STX5: variants seen among roughly 807,000 people sequenced by gnomAD.
STX5 encodes syntaxin-5.
In STX5, 15 loss-of-function variants were observed where a neutral mutation model predicts 42.9. The observed-to-expected ratio is 0.35, with a 90% CI of 0.23 to 0.54. STX5 has a LOEUF of 0.54. Ranked by LOEUF, STX5 falls within the 20% of genes least tolerant of loss-of-function variation. STX5 has a pLI of 0.91. For synonymous variants in STX5, 184 were observed against 173.2 expected (o/e 1.06, Z -0.49); for missense variants, 430 against 455.0 (o/e 0.95, Z 0.50).
At chr11:62,825,607 G>A (rs2084787395) in intron 5 of STX5, 68 bp from the exon 6 acceptor site, 2 of 1,370,402 alleles carry the variant, frequency 1.5e-6, no homozygotes, top group East Asian at 4.6e-5. Context: ...CTCTCACGAT[G>A]GCCATCTCTG....
At chr11:62,829,091 A>C (rs754058505) in intron 2 of STX5, among the ~76,000 whole-genome samples, 22 of 150,494 alleles carry the variant, frequency 1.5e-4, no homozygotes, top group South Asian at 4.2e-4. Context: ...CAAACAAACA[A>C]ACACAAACTG....
At chr11:62,822,076 T>C (rs1247620208) in intron 10 of STX5, among the ~76,000 whole-genome samples, 1 of 151,172 alleles carries the variant, frequency 6.6e-6, no homozygotes, top group Non-Finnish European at 1.5e-5. Flanking sequence ...AAGTTAAATG[T>C]ATTTGGCCAG....
At chr11:62,808,611 T>C (rs1361365885) in intron 10 of STX5, among the ~76,000 whole-genome samples, 6 of 152,008 alleles carry the variant, frequency 3.9e-5, no homozygotes, top group Non-Finnish European at 5.9e-5. Context: ...TAAATAAGTA[T>C]ATTGGAGGAT....
chr11:62,828,410 G>T (rs2084818614), intron 2 of STX5, among the ~76,000 whole-genome samples: 1 of 152,154 alleles, frequency 6.6e-6, no homozygotes, highest in Non-Finnish European at 1.5e-5. Flanking sequence ...AGCATGTCCA[G>T]CCATCAGTAA....
intron 1 of STX5, 141 bp from the exon 2 acceptor site, chr11:62,831,403 G>C: frequency 2.8e-6 from 2 of 709,540 alleles, no homozygotes; most frequent in Admixed American, 2.1e-5. Context: ...ATCCTGGGGC[G>C]GACCAGCAGC....
At chr11:62,822,991 C>A (rs567681423) in intron 10 of STX5, among the ~76,000 whole-genome samples, 25 of 152,248 alleles carry the variant, frequency 1.6e-4, no homozygotes, top group African/African-American at 5.5e-4. Flanking sequence ...GCCACGCAGG[C>A]CTTCTTGATT....
intron 8 of STX5, 130 bp from the exon 9 acceptor site, chr11:62,824,695 C>T (rs2084775857): frequency 3.6e-6 from 3 of 823,826 alleles, no homozygotes. Context: ...TTTAACCTCT[C>T]TGAGCCTCAG....
intron 10 of STX5, among the ~76,000 whole-genome samples, chr11:62,812,773 T>C (rs564535995): frequency 6.6e-6 from 1 of 152,108 alleles, no homozygotes; most frequent in Admixed American, 6.5e-5. Flanking sequence ...ATGGTGTTTA[T>C]GGCATAATTC....
intron 10 of STX5, among the ~76,000 whole-genome samples, chr11:62,819,360 A>G (rs1035888240): frequency 5.9e-5 from 9 of 151,810 alleles, no homozygotes; most frequent in African/African-American, 1.7e-4. Context: ...TCCACTACAA[A>G]AAAAAAACCA....
intron 2 of STX5, among the ~76,000 whole-genome samples, chr11:62,829,061 A>AAAACAAACAAAC (rs199811303): frequency 6.6e-6 from 1 of 150,808 alleles, no homozygotes; most frequent in Non-Finnish European, 1.5e-5. Context: ...GACTGTCTCA[A>AAAACAAACAAAC]AAACAAACAA....
chr11:62,808,465 A>G (rs995513909), intron 10 of STX5, among the ~76,000 whole-genome samples: 1 of 151,724 alleles, frequency 6.6e-6, no homozygotes, highest in Non-Finnish European at 1.5e-5. Context: ...AAAAAAAGGT[A>G]TATGGACCCT....
chr11:62,815,345 T>C (rs2084661923), intron 10 of STX5, among the ~76,000 whole-genome samples: 1 of 151,998 alleles, frequency 6.6e-6, no homozygotes, highest in Non-Finnish European at 1.5e-5. Flanking sequence ...TTTTATTTTT[T>C]AGGACAGAGT....
At chr11:62,808,624 GAGT>G (rs1358800741) in intron 10 of STX5, among the ~76,000 whole-genome samples, 1 of 152,114 alleles carries the variant, frequency 6.6e-6, no homozygotes. Context: ...TGGAGGATGT[GAGT>G]AGATTACATG....
At chr11:62,813,179 C>T (rs1361317448) in intron 10 of STX5, among the ~76,000 whole-genome samples, 1 of 151,162 alleles carries the variant, frequency 6.6e-6, no homozygotes, top group African/African-American at 2.4e-5. Context: ...GAGGCTGAGG[C>T]AGGAGAATCA....
chr11:62,829,162 C>T (rs1046597862), intron 2 of STX5, among the ~76,000 whole-genome samples: 5 of 152,140 alleles, frequency 3.3e-5, no homozygotes, highest in African/African-American at 7.2e-5. Context: ...CGGTGGCTCA[C>T]GCTTGCAATC....
At chr11:62,827,868 T>A (rs2084813472) in intron 2 of STX5, among the ~76,000 whole-genome samples, 1 of 152,044 alleles carries the variant, frequency 6.6e-6, no homozygotes, top group South Asian at 2.1e-4. Context: ...ACTTAAAACA[T>A]TCTAAATCTC....
At chr11:62,815,888 A>G (rs2084668093) in intron 10 of STX5, 2 of 152,006 alleles carry the variant, frequency 1.3e-5, no homozygotes, top group African/African-American at 2.4e-5. Context: ...TTTCAGGGGT[A>G]CATGTGTAGG....
At chr11:62,820,520 C>CT (rs374794905) in intron 10 of STX5, among the ~76,000 whole-genome samples, 13,131 of 140,604 alleles carry the variant, frequency 0.093, 735 homozygotes, top group African/African-American at 0.15. Context: ...TTTTCTTTTT[C>CT]TTTTTTTTTT....
intron 8 of STX5, 139 bp downstream of exon 8, chr11:62,824,897 G>A: frequency 1.3e-6 from 1 of 778,368 alleles, no homozygotes; most frequent in Non-Finnish European, 2.1e-6. Flanking sequence ...CAACCATCTG[G>A]TTTGGCCTCT....
Sources: gnomAD v4.1 joint callset for allele counts (sites outside exome capture counted in the v4.1 genomes callset) on GRCh38, gnomAD v4.1.1 for gene constraint, MANE v1.5 for transcripts, NCBI Gene and HGNC (gene_info 2026-07-23, HGNC 2026-07-21) for gene names.